The following CNGB3 variants were observed in gnomAD, a reference collection of about 807,000 sequenced individuals.
CNGB3 encodes the protein cyclic nucleotide gated channel subunit beta 3.
CNGB3 carries 86 observed loss-of-function variants against 92.8 expected under a neutral mutation model. The ratio of observed to expected loss-of-function variants is 0.93; its 90% CI spans 0.78 to 1.11. The LOEUF is 1.11. CNGB3 is among the 50% of genes least tolerant of loss of function. CNGB3 has a pLI of 0.00. For synonymous variants in CNGB3, 333 were observed against 332.7 expected (o/e 1.00, Z -0.01); for missense variants, 1,026 against 956.8 (o/e 1.07, Z -0.95).
intron 4 of CNGB3, among the ~76,000 whole-genome samples, chr8:86,669,555 T>A (rs1823815854): frequency 6.6e-6 from 1 of 152,210 alleles, no homozygotes; most frequent in South Asian, 2.1e-4. Context: ...TTCTTTACCC[T>A]CACACATGTC....
chr8:86,618,116 G>T (rs1822652321), intron 13 of CNGB3, among the ~76,000 whole-genome samples: 1 of 152,146 alleles, frequency 6.6e-6, no homozygotes, highest in African/African-American at 2.4e-5. Context: ...ATAGGGTTCT[G>T]CTCCTATGAG....
chr8:86,723,750 A>T (rs1419155791), intron 3 of CNGB3, among the ~76,000 whole-genome samples: 5 of 152,210 alleles, frequency 3.3e-5, no homozygotes, highest in Admixed American at 3.3e-4. Context: ...CAACCATCTA[A>T]TAACAAAGCA....
chr8:86,714,493 A>T (rs1824811715), intron 3 of CNGB3, among the ~76,000 whole-genome samples: 1 of 152,200 alleles, frequency 6.6e-6, no homozygotes, highest in African/African-American at 2.4e-5. Context: ...ATTAAAAATG[A>T]ATTGATGGGG....
chr8:86,628,484 A>G (rs906383214), intron 12 of CNGB3, among the ~76,000 whole-genome samples: 1 of 152,176 alleles, frequency 6.6e-6, no homozygotes, highest in Non-Finnish European at 1.5e-5. Flanking sequence ...AGAGAGTGAT[A>G]TTGAAGTAAG....
At chr8:86,658,020 G>T (rs1001143007) in intron 6 of CNGB3, 3 of 545,908 alleles carry the variant, frequency 5.5e-6, no homozygotes, top group Admixed American at 2.0e-5. Context: ...GCTCCTTCAG[G>T]TCCACCTTCT....
At chr8:86,724,184 C>T (rs1158678141) in intron 3 of CNGB3, among the ~76,000 whole-genome samples, 1 of 152,092 alleles carries the variant, frequency 6.6e-6, no homozygotes, top group African/African-American at 2.4e-5. Context: ...ACTAAAATAA[C>T]ACTTAAAAAA....
intron 11 of CNGB3, among the ~76,000 whole-genome samples, chr8:86,629,436 G>T (rs887851868): frequency 6.6e-6 from 1 of 152,188 alleles, no homozygotes; most frequent in Non-Finnish European, 1.5e-5. Context: ...GTATTTTACT[G>T]CAGAAATGTT....
intron 3 of CNGB3, among the ~76,000 whole-genome samples, chr8:86,676,929 A>T (rs932346003): frequency 9.2e-5 from 14 of 152,194 alleles, no homozygotes; most frequent in African/African-American, 3.1e-4. Context: ...TAGTTAATTT[A>T]TGTCTGCCGA....
intron 15 of CNGB3, among the ~76,000 whole-genome samples, chr8:86,592,045 T>C (rs1822055083): frequency 1.3e-5 from 2 of 152,170 alleles, no homozygotes; most frequent in Admixed American, 6.5e-5. Context: ...TCTCGTGGTG[T>C]GCTGTTTTTT....
At position 86,618,465 on chromosome 8, in the gene CNGB3, T is replaced by C. The variant is rs1181736844; in HGVS notation, c.1579-6794A>G. On this transcript the variant is annotated intron_variant, in intron 13 of 17. Coordinates refer to ENST00000320005, the MANE Select transcript of CNGB3 (RefSeq NM_019098.5). Reference sequence around the variant, plus strand: ...CAGGTACTGATATAAGTGCTTCATATGTTTTGAGTCCCTTACAACCAAGTA... The same window carrying C: ...CAGGTACTGATATAAGTGCTTCATACGTTTTGAGTCCCTTACAACCAAGTA... Among the ~76,000 whole-genome samples, 5 of 152,342 alleles carry C rather than the reference T, an allele frequency of 3.3e-5. No homozygotes were observed. In the East Asian group the frequency reaches 7.7e-4, roughly 24 times the overall value.
rs189062949 is a variant in CNGB3, at chr8:86,648,804, A to G, written c.904-917T>C. ...AGAGAGCTGAGGAAGTCCTAGACAG[A>G]GGAATCCAGCAAGAGAAAGAAATAA... On this transcript the variant is annotated intron_variant, in intron 7 of 17. Transcript: ENST00000320005. Among the ~76,000 whole-genome samples, 53 of 151,404 alleles carry G rather than the reference A, an allele frequency of 3.5e-4. 2 individuals are homozygous for G. The highest frequency in any genetic ancestry group is 3.3e-3 in the Admixed American group (50 of 15,168).
chr8:86,636,932 C>G (rs1823083819), intron 10 of CNGB3, among the ~76,000 whole-genome samples: 1 of 152,152 alleles, frequency 6.6e-6, no homozygotes, highest in South Asian at 2.1e-4. Flanking sequence ...GGCAGAATTT[C>G]TTTCATTTTA....
At chr8:86,714,190 C>G (rs1286827167) in intron 3 of CNGB3, among the ~76,000 whole-genome samples, 1 of 152,190 alleles carries the variant, frequency 6.6e-6, no homozygotes, top group East Asian at 1.9e-4. Context: ...CCTAACCCCC[C>G]AGCCCCAGGC....
intron 15 of CNGB3, among the ~76,000 whole-genome samples, chr8:86,595,282 A>C (rs1822145917): frequency 6.6e-6 from 1 of 152,246 alleles, no homozygotes; most frequent in African/African-American, 2.4e-5. Context: ...GGCTGGTGTG[A>C]TAAGACATGT....
chr8:86,700,052 C>T (rs376450425), intron 3 of CNGB3, among the ~76,000 whole-genome samples: 31 of 152,206 alleles, frequency 2.0e-4, no homozygotes, highest in African/African-American at 6.5e-4. Context: ...TTGAGTAATA[C>T]AAAGATGCTA....
At chr8:86,660,465 A>G (rs989945371) in intron 6 of CNGB3, 9 of 516,210 alleles carry the variant, frequency 1.7e-5, no homozygotes, top group Non-Finnish European at 3.6e-5. Context: ...CCATTGGTCA[A>G]TGAGAAAGAT....
At chr8:86,597,956 C>T (rs549531637) in intron 15 of CNGB3, among the ~76,000 whole-genome samples, 18 of 151,200 alleles carry the variant, frequency 1.2e-4, no homozygotes, top group Admixed American at 6.6e-4. Context: ...CCAGCCTGGG[C>T]GACAGAGTGA....
intron 6 of CNGB3, among the ~76,000 whole-genome samples, chr8:86,665,913 G>T (rs1403648081): frequency 1.3e-5 from 2 of 152,164 alleles, no homozygotes; most frequent in Non-Finnish European, 2.9e-5. Context: ...GAAAAAAAAG[G>T]GTCATGAAAG....
At chr8:86,708,523 C>CT (rs1177417928) in intron 3 of CNGB3, among the ~76,000 whole-genome samples, 3 of 149,890 alleles carry the variant, frequency 2.0e-5, no homozygotes, top group Non-Finnish European at 3.0e-5. Flanking sequence ...CCAATAAAAG[C>CT]TTTTTTTCTT....
Sources: allele counts gnomAD v4.1 joint callset (sites outside exome capture counted in the v4.1 genomes callset), GRCh38; gene constraint gnomAD v4.1.1; transcripts MANE v1.5; gene names NCBI Gene and HGNC (gene_info 2026-07-23, HGNC 2026-07-21).